FARS2: variants seen among roughly 807,000 people sequenced by gnomAD.
FARS2 encodes the protein phenylalanine--tRNA ligase, mitochondrial.
In FARS2, 40 loss-of-function variants were observed where a neutral mutation model predicts 46.4. That is an observed-to-expected ratio of 0.86 (90% confidence interval 0.67 to 1.12). The LOEUF is 1.12. Among genes scored for constraint, FARS2 ranks in the 50% most tolerant of loss-of-function variants. FARS2 has a pLI of 0.00. For synonymous variants in FARS2, 234 were observed against 214.9 expected, an observed-to-expected ratio of 1.09 and a Z score of -0.78; for missense variants, 513 against 567.9, an observed-to-expected ratio of 0.90 and a Z score of 0.98.
chr6:5,380,943 AT>A (rs1335732874), intron 2 of FARS2, among the ~76,000 whole-genome samples: 1 of 151,662 alleles, frequency 6.6e-6, no homozygotes, highest in Non-Finnish European at 1.5e-5. Context: ...ATAATCTTAT[AT>A]AAGATCAATA....
chr6:5,309,272 G>A (rs1768930660), intron 1 of FARS2, among the ~76,000 whole-genome samples: 1 of 152,166 alleles, frequency 6.6e-6, no homozygotes, highest in Non-Finnish European at 1.5e-5. Flanking sequence ...TGGATTGGAT[G>A]TGGGAGATTC....
chr6:5,569,905 T>C (rs962056806), intron 5 of FARS2, among the ~76,000 whole-genome samples: 2 of 152,094 alleles, frequency 1.3e-5, no homozygotes, highest in African/African-American at 4.8e-5. Context: ...AAAAGAGGAC[T>C]GCATTAACAG....
At chr6:5,632,445 C>G (rs1003457715) in intron 6 of FARS2, among the ~76,000 whole-genome samples, 1 of 151,930 alleles carries the variant, frequency 6.6e-6, no homozygotes, top group Non-Finnish European at 1.5e-5. Context: ...CATTTTGAAG[C>G]GGGCAATTCA....
At chr6:5,439,707 A>G (rs1317343987) in intron 4 of FARS2, among the ~76,000 whole-genome samples, 5 of 152,176 alleles carry the variant, frequency 3.3e-5, no homozygotes, top group African/African-American at 1.2e-4. Context: ...ACGTGGTGGT[A>G]TTGGCTCCAC....
chr6:5,459,633 C>T (rs1411027653), intron 4 of FARS2, among the ~76,000 whole-genome samples: 1 of 152,074 alleles, frequency 6.6e-6, no homozygotes, highest in East Asian at 1.9e-4. Context: ...CATGTCACTG[C>T]CTGTTCCTCT....
intron 6 of FARS2, among the ~76,000 whole-genome samples, chr6:5,655,408 A>G (rs1777561982): frequency 6.6e-6 from 1 of 152,210 alleles, no homozygotes; most frequent in South Asian, 2.1e-4. Flanking sequence ...ATTACCACAA[A>G]CATAGTGGCT....
At chr6:5,700,512 C>T (rs1758362593) in intron 6 of FARS2, among the ~76,000 whole-genome samples, 1 of 152,082 alleles carries the variant, frequency 6.6e-6, no homozygotes, top group Non-Finnish European at 1.5e-5. Context: ...GTTCTCCTGC[C>T]TCAGCCTCCC....
At chr6:5,761,402 C>T (rs965286004) in intron 6 of FARS2, among the ~76,000 whole-genome samples, 1 of 152,186 alleles carries the variant, frequency 6.6e-6, no homozygotes, top group African/African-American at 2.4e-5. Context: ...TCAAGCAGTT[C>T]GTATACCTGT....
intron 4 of FARS2, among the ~76,000 whole-genome samples, chr6:5,451,024 G>A (rs1266983733): frequency 6.6e-6 from 1 of 152,100 alleles, no homozygotes; most frequent in Non-Finnish European, 1.5e-5. Flanking sequence ...TTTTAGATAC[G>A]ATTGGAGGTG....
At chr6:5,554,688 A>G (rs1771555653) in intron 5 of FARS2, among the ~76,000 whole-genome samples, 1 of 152,220 alleles carries the variant, frequency 6.6e-6, no homozygotes, top group African/African-American at 2.4e-5. Context: ...GCTTTTATGC[A>G]TCACAGTGGA....
At chr6:5,552,624 A>G (rs1468077601) in intron 5 of FARS2, among the ~76,000 whole-genome samples, 1 of 152,190 alleles carries the variant, frequency 6.6e-6, no homozygotes, top group Non-Finnish European at 1.5e-5. Context: ...CATACCTTGA[A>G]ACCCATTGTT....
chr6:5,484,986 GC>G (rs1213781035), intron 4 of FARS2, among the ~76,000 whole-genome samples: 1 of 152,154 alleles, frequency 6.6e-6, no homozygotes, highest in African/African-American at 2.4e-5. Context: ...ACCTGAAGAG[GC>G]CCCGGAGGAG....
intron 1 of FARS2, among the ~76,000 whole-genome samples, chr6:5,296,363 G>C (rs374311791): frequency 4.7e-4 from 71 of 152,022 alleles, no homozygotes; most frequent in Middle Eastern, 6.8e-3. Context: ...GGATGGTCTC[G>C]ATCTCCTGAC....
intron 6 of FARS2, among the ~76,000 whole-genome samples, chr6:5,642,352 A>G (rs1312840680): frequency 6.6e-6 from 1 of 152,236 alleles, no homozygotes; most frequent in East Asian, 1.9e-4. Context: ...TCTTCTGAGC[A>G]CTGTAAATCC....
intron 4 of FARS2, among the ~76,000 whole-genome samples, chr6:5,529,852 C>G (rs183099426): frequency 2.0e-5 from 3 of 152,218 alleles, no homozygotes; most frequent in Admixed American, 1.3e-4. Context: ...TCTCTTGATG[C>G]AATTAGAACC....
At chr6:5,270,123 T>G (rs1581655850) in intron 1 of FARS2, among the ~76,000 whole-genome samples, 1 of 152,304 alleles carries the variant, frequency 6.6e-6, no homozygotes, top group East Asian at 1.9e-4. Flanking sequence ...TTAAATCAAT[T>G]CCTGGAATTC....
chr6:5,718,445 A>G (rs1374395859), intron 6 of FARS2, among the ~76,000 whole-genome samples: 1 of 152,146 alleles, frequency 6.6e-6, no homozygotes, highest in East Asian at 1.9e-4. Flanking sequence ...TTCCTGTGAT[A>G]CAAGTGTTGG....
chr6:5,633,262 CTTTTTTTTTTTTTTT>C (rs59797062), intron 6 of FARS2, among the ~76,000 whole-genome samples: 1,100 of 50,186 alleles, frequency 0.022, 35 homozygotes, highest in African/African-American at 0.073. Flanking sequence ...CCATCCCTGG[CTTTTTTTTTTTTTTT>C]TTTTTTTTTT....
chr6:5,440,266 T>A (rs1315692031), intron 4 of FARS2, among the ~76,000 whole-genome samples: 1 of 152,186 alleles, frequency 6.6e-6, no homozygotes, highest in South Asian at 2.1e-4. Flanking sequence ...ATATATATAT[T>A]TTATAAAAAG....
Sources: allele counts gnomAD v4.1 joint callset (sites outside exome capture counted in the v4.1 genomes callset), GRCh38; gene constraint gnomAD v4.1.1; transcripts MANE v1.5; gene names NCBI Gene and HGNC (gene_info 2026-07-23, HGNC 2026-07-21).